The following ELF4 variants were observed in gnomAD, a reference collection of about 807,000 sequenced individuals.
The protein encoded by ELF4 is ETS-related transcription factor Elf-4.
ELF4 carries 10 observed loss-of-function variants against 31.7 expected under a neutral mutation model. The observed-to-expected ratio is 0.32, with a 90% CI of 0.19 to 0.54. ELF4 has a LOEUF of 0.54. ELF4 is among the 20% of genes least tolerant of loss of function. The pLI is 0.95. For synonymous variants in ELF4, 208 were observed against 226.7 expected (o/e 0.92, Z 0.74); for missense variants, 418 against 522.0 (o/e 0.80, Z 1.94).
At position 130,065,469 on chromosome X, in the gene ELF4, G is replaced by A. The variant is rs983297485; in HGVS notation, c.*1252C>T. 5.7e-6 allele frequency: 1 copy of A among 174,353 alleles called. No individual in the cohort carries two copies. Among genetic ancestry groups the A allele is most frequent in the Non-Finnish European group, 1.1e-5 (1 of 91,416 alleles). 14.4% of individuals were successfully genotyped at this position (174,353 alleles called of 1,213,427 possible). ...GGTTAGGTGTGAAAGTGGGAGATGA[G>A]GGGCATTGGTACACCCAAGGAGGTC... On this transcript the variant is annotated 3_prime_UTR_variant, in exon 9 of 9. Transcript: ENST00000308167.
At chrX:130,109,178 G>C (rs773969852) in intron 1 of ELF4, among the ~76,000 whole-genome samples, 1 of 112,177 alleles carries the variant, frequency 8.9e-6, no homozygotes, top group Non-Finnish European at 1.9e-5. Flanking sequence ...CCAGGGGTCA[G>C]CTGGCAGGGG....
Position 130,067,237 on chromosome X carries a change from C to T in ELF4, c.1476G>A (p.Gly492=). Reference sequence around the variant, plus strand: ...GCGCCGGGTTGGTCGGACGGTTGGCCCCAGCCAGAAGTTGGGGGAGGCCAC... The same window carrying T: ...GCGCCGGGTTGGTCGGACGGTTGGCTCCAGCCAGAAGTTGGGGGAGGCCAC... ...ILSGLPQLLA[G]ANRPTNPAPP... The change falls in exon 9 of 9, where the codon GGG becomes GGA. Residue 492 remains glycine (G), a synonymous_variant. Transcript: ENST00000308167. 8.3e-7 allele frequency: 1 copy of T among 1,211,971 alleles called. No homozygotes were observed. Among genetic ancestry groups the T allele is most frequent in the Non-Finnish European group, 1.1e-6 (1 of 895,412 alleles).
At position 130,074,283 on chromosome X, in the gene ELF4, G is replaced by C. The variant is rs914518426; in HGVS notation, c.248-142C>G. Reference sequence around the variant, plus strand: ...GCTGACCCTGAAGTGAGTGCTAAGTGAGGGAGAAACAGGGGACCCTGACCA... The same window carrying C: ...GCTGACCCTGAAGTGAGTGCTAAGTCAGGGAGAAACAGGGGACCCTGACCA... On this transcript the variant is annotated intron_variant, in intron 3 of 8. Transcript: ENST00000308167. 3.4e-5 allele frequency: 24 copies of C among 701,164 alleles called. No individual in the cohort carries two copies. In the Admixed American group the frequency reaches 6.1e-4, roughly 18 times the overall value. 57.8% of individuals were successfully genotyped at this position (701,164 alleles called of 1,213,427 possible).
rs1215393373 is a variant in ELF4, at chrX:130,064,785, G to A, written c.*1936C>T. Reference sequence around the variant, plus strand: ...GTCATTGATGACCTTCCAGCAATGAGTTTCCATGGAGTTGGAGTAGGGGTG... The same window carrying A: ...GTCATTGATGACCTTCCAGCAATGAATTTCCATGGAGTTGGAGTAGGGGTG... On this transcript the variant is annotated 3_prime_UTR_variant, in exon 9 of 9. Coordinates refer to ENST00000308167, the MANE Select transcript of ELF4 (RefSeq NM_001421.4). The A allele has an allele frequency of 7.8e-6, 1 of 128,448 alleles. No homozygotes were observed. The highest frequency in any genetic ancestry group is 1.3e-4 in the East Asian group (1 of 7,545). The allele number at this position is 128,448 out of a possible 1,213,427, so 10.6% of individuals were successfully genotyped here.
chrX:130,106,182 G>A (rs1001631591), intron 1 of ELF4, among the ~76,000 whole-genome samples: 32 of 105,904 alleles, frequency 3.0e-4, no homozygotes, highest in African/African-American at 6.3e-4. Flanking sequence ...GCCTAGGCCC[G>A]CATCCCTCAC....
chrX:130,069,425 C>A lies in ELF4; in HGVS notation c.1062G>T (p.Gln354His). The change falls in exon 8 of 9, where the codon CAG becomes CAT. Residue 354 changes from glutamine to histidine, a missense_variant. Gln to His is a conservative substitution (Grantham distance 24). Around this residue, in one of 4 missense-constraint regions of ELF4, gnomAD observed 260 missense variants for 269.2 expected, o/e 0.97. Transcript: ENST00000308167. ...TCGCAGATGGCTGGAGACCGACATG[C>A]TGAATTTTTGGCTTCTCCCAAGAAG... ...GSSSWEKPKI[Q>H]HVGLQPSASL... 8.3e-7 allele frequency: 1 copy of A among 1,212,058 alleles called. No individual in the cohort carries two copies. The highest frequency in any genetic ancestry group is 1.1e-6 in the Non-Finnish European group (1 of 895,597).
chrX:130,068,808 G>A (rs949743738), intron 8 of ELF4, among the ~76,000 whole-genome samples: 1 of 112,450 alleles, frequency 8.9e-6, no homozygotes, highest in Non-Finnish European at 1.9e-5. Context: ...GTAAGCCCCC[G>A]GATGTGTGAC....
chrX:130,073,609 T>G (rs1314689390), intron 4 of ELF4, among the ~76,000 whole-genome samples: 1 of 112,371 alleles, frequency 8.9e-6, no homozygotes, highest in Non-Finnish European at 1.9e-5. Flanking sequence ...CCTCCTGGGT[T>G]CAAGTGATTC....
intron 1 of ELF4, among the ~76,000 whole-genome samples, chrX:130,109,174 G>A (rs1051193142): frequency 7.1e-5 from 8 of 112,245 alleles, no homozygotes; most frequent in Admixed American, 1.9e-4. Flanking sequence ...CGGGCCAGGG[G>A]TCAGCTGGCA....
intron 2 of ELF4, 84 bp from the exon 3 acceptor site, chrX:130,074,836 A>G (rs1932818862): frequency 9.2e-7 from 1 of 1,089,367 alleles, no homozygotes; most frequent in African/African-American, 1.8e-5. Context: ...CCTCTGTGCA[A>G]GTCCTTATTC....
intron 1 of ELF4, among the ~76,000 whole-genome samples, chrX:130,104,209 A>G (rs1212307220): frequency 9.1e-6 from 1 of 110,093 alleles, no homozygotes; most frequent in African/African-American, 3.3e-5. Flanking sequence ...AAAGAAGGCA[A>G]TGTTAGTACA....
At chrX:130,099,530 C>T (rs1338871936) in intron 1 of ELF4, among the ~76,000 whole-genome samples, 6 of 111,168 alleles carry the variant, frequency 5.4e-5, no homozygotes, top group Admixed American at 2.9e-4. Context: ...GCCGAGATCA[C>T]GCCACTGCAC....
At chrX:130,100,389 C>T (rs773494358) in intron 1 of ELF4, among the ~76,000 whole-genome samples, 22 of 111,521 alleles carry the variant, frequency 2.0e-4, no homozygotes, top group African/African-American at 6.9e-4. Context: ...GCTCAGTTTC[C>T]AAAGGTCCTT....
At chrX:130,086,734 T>C (rs1392742880) in intron 1 of ELF4, among the ~76,000 whole-genome samples, 1 of 112,393 alleles carries the variant, frequency 8.9e-6, no homozygotes, top group Non-Finnish European at 1.9e-5. Context: ...CTTTGAAAAT[T>C]AAAAAGCGTT....
chrX:130,082,342 G>A (rs1209535366), intron 1 of ELF4, among the ~76,000 whole-genome samples: 1 of 111,476 alleles, frequency 9.0e-6, no homozygotes, highest in Non-Finnish European at 1.9e-5. Context: ...CACCACTACC[G>A]CCGCCACCCA....
intron 1 of ELF4, among the ~76,000 whole-genome samples, chrX:130,083,820 CTGGATGGATGGCTGGA>C (rs1393455781): frequency 8.8e-5 from 9 of 101,794 alleles, no homozygotes; most frequent in African/African-American, 1.8e-4. Flanking sequence ...GGGTGGATGG[CTGGATGGATGGCTGGA>C]TGGATGGATG....
chrX:130,087,338 A>G (rs1189483324), intron 1 of ELF4, among the ~76,000 whole-genome samples: 1 of 112,836 alleles, frequency 8.9e-6, no homozygotes, highest in African/African-American at 3.2e-5. Flanking sequence ...CTTTCCAGCT[A>G]GAAGCCCCAG....
intron 2 of ELF4, among the ~76,000 whole-genome samples, chrX:130,076,187 C>T (rs776679727): frequency 1.8e-5 from 2 of 110,705 alleles, no homozygotes; most frequent in East Asian, 5.7e-4. Context: ...TTAAGCAAAG[C>T]GAAATTAAAA....
rs1203584870 is a variant in ELF4 at position 130,069,762 on chromosome X, C to T, written c.810-85G>A. ...CCTCCATCTCCCCAGTGCTCCTCCCCGAGGGCTAGGCAAGCATGAGGCTGA... is the reference window on the plus strand; with the variant it reads ...CCTCCATCTCCCCAGTGCTCCTCCCTGAGGGCTAGGCAAGCATGAGGCTGA... On this transcript the variant is annotated intron_variant, in intron 7 of 8. Coordinates refer to ENST00000308167, the MANE Select transcript of ELF4 (RefSeq NM_001421.4). 26 of 1,175,902 alleles carry T rather than the reference C, an allele frequency of 2.2e-5. No homozygotes were observed. The South Asian group carries it at 2.2e-4, about 10-fold the overall frequency.
Sources: allele counts gnomAD v4.1 joint callset (sites outside exome capture counted in the v4.1 genomes callset), GRCh38; gene constraint gnomAD v4.1.1; regional missense constraint gnomAD v4.1.1; transcripts MANE v1.5; gene names NCBI Gene and HGNC (gene_info 2026-07-23, HGNC 2026-07-21).